The following PHF2 variants were observed in gnomAD, a reference collection of about 807,000 sequenced individuals.
PHF2 encodes lysine-specific demethylase PHF2.
Under a neutral mutation model 120.5 loss-of-function variants are expected in PHF2, and 27 were observed. The observed-to-expected ratio is 0.22, with a 90% CI of 0.17 to 0.31. The LOEUF (loss-of-function observed/expected upper bound fraction) is 0.31, where lower values mean the gene tolerates loss of function less well. Ranked by LOEUF, PHF2 falls within the 10% of genes least tolerant of loss-of-function variation. The pLI is 1.00. For missense variants in PHF2, 1,024 were observed against 1,434.8 expected (o/e 0.71, Z 4.63); for synonymous variants, 568 against 592.5 (o/e 0.96, Z 0.60).
intron 13 of PHF2, 22 bp from the exon 14 acceptor site, chr9:93,663,495 C>T (rs7036592): frequency 0.36 from 521,681 of 1,466,384 alleles, 96,060 homozygotes; most frequent in Non-Finnish European, 0.38. Context: ...GGCTCAGGGA[C>T]GGCCCTGGTC....
chr9:93,670,873 C>T (rs975666742), intron 17 of PHF2: 7 of 462,120 alleles, frequency 1.5e-5, no homozygotes, highest in Non-Finnish European at 2.0e-5. Flanking sequence ...ATGGGAGGGG[C>T]CACCTGAAGC....
At chr9:93,618,842 G>GT (rs1825772615) in intron 1 of PHF2, among the ~76,000 whole-genome samples, 1 of 140,914 alleles carries the variant, frequency 7.1e-6, no homozygotes, top group Admixed American at 7.4e-5. Flanking sequence ...TGTGGTGTGT[G>GT]TGTGTGCCTG....
intron 5 of PHF2, among the ~76,000 whole-genome samples, chr9:93,652,798 G>C (rs1311785971): frequency 6.6e-6 from 1 of 152,174 alleles, no homozygotes; most frequent in Non-Finnish European, 1.5e-5. Flanking sequence ...AGAGGTGCCG[G>C]GCTGAGTGTG....
At chr9:93,605,300 C>T (rs559628859) in intron 1 of PHF2, among the ~76,000 whole-genome samples, 1 of 152,302 alleles carries the variant, frequency 6.6e-6, no homozygotes, top group African/African-American at 2.4e-5. Flanking sequence ...TCACTGTAAC[C>T]TCTAAAGGCT....
chr9:93,588,094 C>T (rs1028030452), intron 1 of PHF2, among the ~76,000 whole-genome samples: 12 of 152,152 alleles, frequency 7.9e-5, no homozygotes, highest in African/African-American at 2.2e-4. Flanking sequence ...TGGGTCTGGG[C>T]GGCCACTGCA....
In PHF2 at chr9:93,660,391, AG is replaced by A; in HGVS notation, c.1530del (p.Lys510AsnfsTer12). On this transcript the variant is annotated frameshift_variant, in exon 12 of 22. Transcript: ENST00000359246. LOFTEE classifies it high-confidence loss of function. ...CCATCCAAAATCCCCAAGCCCCCGA[AG>A]CCCCCTAAGCCCCCAAGGCCCCCCA... ...PKPSKIPKPP[K>X]PPKPPRPPKT... The A allele has an allele frequency of 1.5e-6, 2 of 1,348,782 alleles. No individual in the cohort carries two copies. The highest frequency in any genetic ancestry group is 2.0e-6 in the Non-Finnish European group (2 of 1,009,530). 83.6% of individuals were successfully genotyped at this position (1,348,782 alleles called of 1,614,324 possible).
At position 93,654,549 on chromosome 9, in the gene PHF2, A is replaced by G. The variant is rs1306437166; in HGVS notation, c.926A>G (p.Gln309Arg). 1 of 1,613,954 alleles carries G rather than the reference A, an allele frequency of 6.2e-7. No homozygotes were observed. The part of the protein sequence containing the change: ...VDKCYKCIVK[Q>R]GQTLFIPSGW... ...AAATGCTACAAGTGCATCGTCAAGC[A>G]GGGCCAGACCCTCTTCATCCCCTCA... Residue 309 changes from glutamine (Q) to arginine (R), a missense_variant, in exon 7 of 22, where the codon CAG becomes CGG. Transcript: ENST00000359246.
chr9:93,620,442 G>C lies in PHF2; in HGVS notation c.99-9528G>C, dbSNP rs189201065. Among the ~76,000 whole-genome samples the C allele has an allele frequency of 3.3e-5, 5 of 152,350 alleles. No individual in the cohort carries two copies. In the East Asian group the frequency reaches 9.7e-4, roughly 29 times the overall value. On this transcript the variant is annotated intron_variant, in intron 1 of 21. Coordinates refer to ENST00000359246, the MANE Select transcript of PHF2 (RefSeq NM_005392.4). ...GGGATCCTTTGTGAGCTCAGCTCCT[G>C]TGAGCCAGCACTGTCCCCATGGGCG...
intron 1 of PHF2, among the ~76,000 whole-genome samples, chr9:93,578,442 G>A (rs1862874402): frequency 6.6e-6 from 1 of 152,206 alleles, no homozygotes; most frequent in South Asian, 2.1e-4. Flanking sequence ...CAGGGATGCT[G>A]AGCTGCTGGC....
At chr9:93,591,511 G>A (rs1354869959) in intron 1 of PHF2, among the ~76,000 whole-genome samples, 1 of 152,178 alleles carries the variant, frequency 6.6e-6, no homozygotes, top group Non-Finnish European at 1.5e-5. Context: ...TTTCACAAGC[G>A]GGAAACTGAA....
chr9:93,673,651 G>A lies in PHF2; in HGVS notation c.2415G>A (p.Gln805=), dbSNP rs1311779994. The A allele has an allele frequency of 2.5e-6, 4 of 1,609,402 alleles. No homozygotes were observed. The highest frequency in any genetic ancestry group is 3.4e-6 in the Non-Finnish European group (4 of 1,177,134). ...IQGMLSMANL[Q]ASDSCLQTTW... is the part of the protein sequence containing the mutation. ...GAATGCTGTCCATGGCCAACCTGCA[G>A]GCCTCCGACTCCTGCCTGCAGACCA... The change falls in exon 18 of 22, where the codon CAG becomes CAA. Residue 805 remains glutamine (Q), a synonymous_variant. Coordinates refer to ENST00000359246, the MANE Select transcript of PHF2 (RefSeq NM_005392.4).
chr9:93,621,572 A>G (rs1157924650), intron 1 of PHF2, among the ~76,000 whole-genome samples: 1 of 152,224 alleles, frequency 6.6e-6, no homozygotes, highest in Non-Finnish European at 1.5e-5. Context: ...TAAAGTGGAC[A>G]CTGGCCCAGA....
In PHF2 at chr9:93,590,151, C is replaced by T. The variant is rs904745098; in HGVS notation, c.98+13280C>T. ...CAGATTGGTTGTACTGATTTCTCTA[C>T]ACACTGGGCAACACATTTTCTGAGC... On this transcript the variant is annotated intron_variant, in intron 1 of 21. Transcript: ENST00000359246. Among the ~76,000 whole-genome samples, 3 of 152,210 alleles carry T rather than the reference C, an allele frequency of 2.0e-5. No homozygotes were observed. In the South Asian group the frequency reaches 6.2e-4, roughly 32 times the overall value.
Position 93,629,961 on chromosome 9 carries a change from T to G in PHF2, c.99-9T>G. ...TGCCTAGGTAATGGTCTATTTCGTC[T>G]CGTTTCAGCTGTGTTGGGGTGGAAG... On this transcript the variant is annotated splice_polypyrimidine_tract_variant and intron_variant, in intron 1 of 21. Transcript: ENST00000359246. 6.2e-7 allele frequency: 1 copy of G among 1,614,002 alleles called. No individual in the cohort carries two copies. The highest frequency in any genetic ancestry group is 8.5e-7 in the Non-Finnish European group (1 of 1,179,908).
chr9:93,674,962 A>T lies in PHF2; in HGVS notation c.2662A>T (p.Ile888Phe). The T allele has an allele frequency of 6.2e-7, 1 of 1,613,928 alleles. No individual in the cohort carries two copies. Among genetic ancestry groups the T allele is most frequent in the Non-Finnish European group, 8.5e-7 (1 of 1,179,958 alleles). Residue 888 changes from isoleucine to phenylalanine, a missense_variant, in exon 19 of 22, where the codon ATC (isoleucine) becomes TTC (phenylalanine). By Grantham distance (21) the Ile-to-Phe change is conservative (BLOSUM62 0). Coordinates refer to ENST00000359246, the MANE Select transcript of PHF2 (RefSeq NM_005392.4). ...ACTGGAGTCAGATGAAGACAACCCCATCTTTAAGTCCCGGTCGAAGAAAAG... is the reference window on the plus strand; with the variant it reads ...ACTGGAGTCAGATGAAGACAACCCCTTCTTTAAGTCCCGGTCGAAGAAAAG... The part of the protein sequence containing the change: ...PSLESDEDNP[I>F]FKSRSKKRKG...
chr9:93,590,828 G>T (rs963378224), intron 1 of PHF2, among the ~76,000 whole-genome samples: 1 of 152,354 alleles, frequency 6.6e-6, no homozygotes, highest in Middle Eastern at 3.4e-3. Flanking sequence ...CCCTCTGGTT[G>T]TGGTGGTGGT....
chr9:93,627,741 T>C (rs753108824), intron 1 of PHF2, among the ~76,000 whole-genome samples: 7 of 152,198 alleles, frequency 4.6e-5, no homozygotes, highest in Non-Finnish European at 1.0e-4. Context: ...GCTTTTTCTG[T>C]ATCAATTGAG....
intron 1 of PHF2, among the ~76,000 whole-genome samples, chr9:93,622,431 G>C (rs1387748231): frequency 2.0e-5 from 3 of 152,218 alleles, no homozygotes; most frequent in Non-Finnish European, 4.4e-5. Context: ...TCAGCCAGCT[G>C]TGGATGGGGA....
At chr9:93,597,649 G>T (rs1025467155) in intron 1 of PHF2, among the ~76,000 whole-genome samples, 1 of 152,106 alleles carries the variant, frequency 6.6e-6, no homozygotes, top group African/African-American at 2.4e-5. Flanking sequence ...TTTACTGCCA[G>T]GGAGGAGCCT....
Sources: gnomAD v4.1 joint callset for allele counts (sites outside exome capture counted in the v4.1 genomes callset) on GRCh38, gnomAD v4.1.1 for gene constraint, MANE v1.5 for transcripts, NCBI Gene and HGNC (gene_info 2026-07-23, HGNC 2026-07-21) for gene names.